Variants in GPC5 observed in about 807,000 individuals in gnomAD.
GPC5 encodes glypican-5.
In GPC5, 47 loss-of-function variants were observed where a neutral mutation model predicts 53.9. The observed-to-expected ratio is 0.87, with a 90% CI of 0.69 to 1.11. The LOEUF is 1.11. Ranked by LOEUF, GPC5 falls within the 50% of genes most tolerant of loss-of-function variation. GPC5 has a pLI of 0.00. For synonymous variants in GPC5, 286 were observed against 263.3 expected, an observed-to-expected ratio of 1.09 and a Z score of -0.84; for missense variants, 748 against 713.1, an observed-to-expected ratio of 1.05 and a Z score of -0.56.
intron 6 of GPC5, among the ~76,000 whole-genome samples, chr13:91,979,417 T>C (rs2040337225): frequency 6.6e-6 from 1 of 152,246 alleles, no homozygotes; most frequent in South Asian, 2.1e-4. Flanking sequence ...AATGTCCTGC[T>C]GATAATGTGT....
chr13:92,353,414 C>G (rs1309514297), intron 7 of GPC5, among the ~76,000 whole-genome samples: 1 of 151,862 alleles, frequency 6.6e-6, no homozygotes, highest in Non-Finnish European at 1.5e-5. Flanking sequence ...AAAGTATGTT[C>G]CTAAAGATTG....
intron 7 of GPC5, among the ~76,000 whole-genome samples, chr13:92,629,449 C>T (rs527535207): frequency 2.6e-4 from 39 of 152,150 alleles, no homozygotes; most frequent in African/African-American, 6.5e-4. Context: ...GCTGTTGCCG[C>T]GGTTCCTTAT....
intron 7 of GPC5, among the ~76,000 whole-genome samples, chr13:92,777,164 G>C (rs990592862): frequency 6.7e-6 from 1 of 149,044 alleles, no homozygotes; most frequent in Admixed American, 6.7e-5. Context: ...GTGAAACCTC[G>C]TCTCTACTAA....
intron 7 of GPC5, among the ~76,000 whole-genome samples, chr13:92,523,303 G>A (rs1167129350): frequency 6.6e-6 from 1 of 152,000 alleles, no homozygotes; most frequent in Admixed American, 6.6e-5. Flanking sequence ...GACATTTTCT[G>A]GGCTGACAGT....
Position 92,513,200 on chromosome 13 carries a change from T to A in GPC5, c.1562-353082T>A, listed in dbSNP as rs149259700. On this transcript the variant is annotated intron_variant, in intron 7 of 7. Coordinates refer to ENST00000377067, the MANE Select transcript of GPC5 (RefSeq NM_004466.6). ...ATCAGCAGGCCGCCTTTTCCTGTAG[T>A]GAAAATCAGCAGGAACATGGCTTTT... Among the ~76,000 whole-genome samples, 165 of 152,290 alleles carry A rather than the reference T, an allele frequency of 1.1e-3. 1 individual carries two copies. Among genetic ancestry groups the A allele is most frequent in the African/African-American group, 3.9e-3 (162 of 41,560 alleles).
At chr13:91,581,078 G>T (rs542856907) in intron 2 of GPC5, among the ~76,000 whole-genome samples, 18 of 152,216 alleles carry the variant, frequency 1.2e-4, no homozygotes, top group African/African-American at 4.3e-4. Flanking sequence ...GAACAGTATG[G>T]GGGAAACTGC....
chr13:92,308,388 A>T (rs1368443070), intron 7 of GPC5, among the ~76,000 whole-genome samples: 1 of 152,162 alleles, frequency 6.6e-6, no homozygotes, highest in Admixed American at 6.5e-5. Flanking sequence ...TTTTGTTTTT[A>T]TATATATGAA....
At chr13:92,617,238 C>T (rs948151028) in intron 7 of GPC5, among the ~76,000 whole-genome samples, 4 of 152,186 alleles carry the variant, frequency 2.6e-5, no homozygotes, top group Non-Finnish European at 5.9e-5. Context: ...GTAACGTCTT[C>T]TACCTGATCC....
At chr13:91,947,613 T>C (rs2039985683) in intron 6 of GPC5, among the ~76,000 whole-genome samples, 1 of 148,450 alleles carries the variant, frequency 6.7e-6, no homozygotes, top group Non-Finnish European at 1.5e-5. Context: ...TAATTCTTGC[T>C]GCCTAATGTG....
At chr13:91,988,255 A>G (rs961291109) in intron 6 of GPC5, among the ~76,000 whole-genome samples, 4 of 152,096 alleles carry the variant, frequency 2.6e-5, no homozygotes, top group African/African-American at 9.7e-5. Flanking sequence ...TGAAATGAAC[A>G]TGTGGTGTGA....
At chr13:92,301,141 A>G (rs1289504699) in intron 7 of GPC5, among the ~76,000 whole-genome samples, 2 of 152,246 alleles carry the variant, frequency 1.3e-5, no homozygotes, top group Admixed American at 6.5e-5. Context: ...TGTTTTGTCT[A>G]GAAGAAATCT....
intron 7 of GPC5, among the ~76,000 whole-genome samples, chr13:92,495,325 T>G (rs1055745397): frequency 5.3e-5 from 8 of 152,216 alleles, no homozygotes; most frequent in South Asian, 2.1e-4. Context: ...ATCTCAGCTT[T>G]GCTTTCTGCT....
At chr13:92,074,044 T>C (rs2138869797) in intron 6 of GPC5, among the ~76,000 whole-genome samples, 1 of 152,252 alleles carries the variant, frequency 6.6e-6, no homozygotes, top group Non-Finnish European at 1.5e-5. Context: ...TTTATCGATT[T>C]GAGTGTCATT....
At chr13:92,506,174 A>G (rs1880360751) in intron 7 of GPC5, among the ~76,000 whole-genome samples, 1 of 152,150 alleles carries the variant, frequency 6.6e-6, no homozygotes, top group Non-Finnish European at 1.5e-5. Flanking sequence ...TGTATTTAAT[A>G]GTAGTAAAAA....
At chr13:91,922,385 A>G (rs2039724235) in intron 6 of GPC5, among the ~76,000 whole-genome samples, 1 of 152,060 alleles carries the variant, frequency 6.6e-6, no homozygotes, top group African/African-American at 2.4e-5. Flanking sequence ...TTACAGCCTC[A>G]TCTTCTAATT....
chr13:92,459,288 G>GA (rs1878391414), intron 7 of GPC5, among the ~76,000 whole-genome samples: 1 of 152,142 alleles, frequency 6.6e-6, no homozygotes, highest in Admixed American at 6.5e-5. Flanking sequence ...GGCAAGCTAT[G>GA]AGTTAGGGAG....
chr13:91,547,758 A>G (rs1199145929), intron 2 of GPC5, among the ~76,000 whole-genome samples: 1 of 152,170 alleles, frequency 6.6e-6, no homozygotes, highest in African/African-American at 2.4e-5. Context: ...ATCCAACAAT[A>G]TATAAAAAGA....
intron 7 of GPC5, among the ~76,000 whole-genome samples, chr13:92,674,807 T>C (rs1886882032): frequency 1.3e-5 from 2 of 152,258 alleles, no homozygotes; most frequent in African/African-American, 2.4e-5. Flanking sequence ...TATATTTCTT[T>C]CAGAACCTCA....
At position 92,419,252 on chromosome 13, in the gene GPC5, C is replaced by T. The variant is rs369397915; in HGVS notation, c.1561+274263C>T. 4.2e-4 allele frequency among the ~76,000 whole-genome samples: 64 copies of T among 152,184 alleles called. 1 individual carries two copies. In the South Asian group the frequency reaches 7.3e-3, roughly 17 times the overall value. On this transcript the variant is annotated intron_variant, in intron 7 of 7. Transcript: ENST00000377067. Reference sequence around the variant, plus strand: ...ACAGAAGCTGCATTCTTCATTAGACCGCAGCAGCTACAGCCCAGCAGTATT... The same window carrying T: ...ACAGAAGCTGCATTCTTCATTAGACTGCAGCAGCTACAGCCCAGCAGTATT...
Sources: gnomAD v4.1 joint callset for allele counts (sites outside exome capture counted in the v4.1 genomes callset) on GRCh38, gnomAD v4.1.1 for gene constraint, MANE v1.5 for transcripts, NCBI Gene and HGNC (gene_info 2026-07-23, HGNC 2026-07-21) for gene names.